The following FYB2 variants were observed in gnomAD, a reference collection of about 807,000 sequenced individuals.
The protein encoded by FYB2 is FYN binding protein 2, also known as FYN-binding protein 2.
In FYB2, 103 loss-of-function variants were observed where a neutral mutation model predicts 94.1. The ratio of observed to expected loss-of-function variants is 1.09; its 90% confidence interval spans 0.93 to 1.29. FYB2 has a LOEUF of 1.29. Among genes scored for constraint, FYB2 ranks in the 50% most tolerant of loss-of-function variants. The pLI, the probability that FYB2 is intolerant of heterozygous loss-of-function variation, is 0.00. For missense variants in FYB2, 896 were observed against 841.5 expected (o/e 1.06, Z -0.80); for synonymous variants, 293 against 287.9 (o/e 1.02, Z -0.18).
chr1:56,762,897 G>A (rs1645532645), intron 5 of FYB2, among the ~76,000 whole-genome samples: 1 of 152,164 alleles, frequency 6.6e-6, no homozygotes, highest in Admixed American at 6.5e-5. Flanking sequence ...TCTTAATCAA[G>A]TTGAGGAAGA....
At chr1:56,746,810 A>G (rs1569962578) in intron 9 of FYB2, among the ~76,000 whole-genome samples, 2 of 152,018 alleles carry the variant, frequency 1.3e-5, no homozygotes, top group Admixed American at 6.6e-5. Context: ...TGGGATATAT[A>G]CATAAGTACT....
At chr1:56,822,526 G>A (rs1646998415), upstream of FYB2, among the ~76,000 whole-genome samples, 1 of 152,138 alleles carries the variant, frequency 6.6e-6, no homozygotes, top group Non-Finnish European at 1.5e-5. Context: ...GGGATGACGT[G>A]CCATACTCTC....
upstream of FYB2, among the ~76,000 whole-genome samples, chr1:56,822,466 T>C (rs1646998063): frequency 6.6e-6 from 1 of 152,224 alleles, no homozygotes; most frequent in South Asian, 2.1e-4. Flanking sequence ...ATCTTCTAGA[T>C]ATTTCTAGTT....
intron 12 of FYB2, 72 bp from the exon 13 acceptor site, chr1:56,740,867 T>C (rs1644936268): frequency 8.3e-6 from 8 of 965,816 alleles, no homozygotes; most frequent in Admixed American, 2.6e-5. Flanking sequence ...TGTTGTATTA[T>C]AAAATCAAAT....
rs140362645 is a variant in FYB2 at position 56,817,180 on chromosome 1, C to T, written c.9+2102G>A. Among the ~76,000 whole-genome samples, 29 of 152,330 alleles carry T rather than the reference C, an allele frequency of 1.9e-4. 1 individual carries two copies. The highest frequency in any genetic ancestry group is 3.5e-4 in the Non-Finnish European group (24 of 68,040). ...ATGCTTGAGTTTCAACAATGGCCTCCAGGGCCCTATATCATCTGACCCCAC... is the reference window on the plus strand; with the variant it reads ...ATGCTTGAGTTTCAACAATGGCCTCTAGGGCCCTATATCATCTGACCCCAC... On this transcript the variant is annotated intron_variant, in intron 1 of 19. Transcript: ENST00000343433.
intron 4 of FYB2, among the ~76,000 whole-genome samples, chr1:56,785,880 C>T (rs781680421): frequency 6.6e-6 from 1 of 152,156 alleles, no homozygotes; most frequent in Non-Finnish European, 1.5e-5. Context: ...CTGCTTTTTG[C>T]CATGAAACTT....
chr1:56,785,847 A>G (rs1646122355), intron 4 of FYB2, among the ~76,000 whole-genome samples: 1 of 152,108 alleles, frequency 6.6e-6, no homozygotes, highest in Admixed American at 6.6e-5. Flanking sequence ...TCAATACCCC[A>G]TTCTTCACTC....
At chr1:56,786,363 C>T (rs1646132612) in intron 4 of FYB2, among the ~76,000 whole-genome samples, 1 of 152,224 alleles carries the variant, frequency 6.6e-6, no homozygotes, top group Admixed American at 6.5e-5. Context: ...GAAGATGTAA[C>T]AACTTCCTCC....
chr1:56,792,821 C>G lies in FYB2; in HGVS notation c.10-18G>C. On this transcript the variant is annotated intron_variant, in intron 1 of 19. Transcript: ENST00000343433. ...ACCCCTTCCTAAGGCAAAGAATAAT[C>G]AAACAAACAAACAAAAACAAAAACA... 1 of 1,564,544 alleles carries G rather than the reference C, an allele frequency of 6.4e-7. No homozygotes were observed. The highest frequency in any genetic ancestry group is 8.6e-7 in the Non-Finnish European group (1 of 1,158,584).
intron 8 of FYB2, among the ~76,000 whole-genome samples, chr1:56,751,704 C>T (rs1645203159): frequency 6.6e-6 from 1 of 152,070 alleles, no homozygotes; most frequent in Non-Finnish European, 1.5e-5. Context: ...TGTTCCTTCT[C>T]ACTTCTTTCT....
intron 9 of FYB2, 119 bp downstream of exon 9, chr1:56,750,925 G>C: frequency 8.2e-7 from 1 of 1,226,914 alleles, no homozygotes; most frequent in Non-Finnish European, 1.1e-6. Flanking sequence ...ACTAGGGCAA[G>C]TTGCTTGGCA....
At chr1:56,737,329 G>C (rs1237768725) in intron 14 of FYB2, 182 bp from the exon 15 acceptor site, 1 of 428,518 alleles carries the variant, frequency 2.3e-6, no homozygotes, top group Non-Finnish European at 4.1e-6. Flanking sequence ...TCTCTATTTG[G>C]GAAGAAATTC....
At chr1:56,766,143 T>C (rs1645617402) in intron 5 of FYB2, among the ~76,000 whole-genome samples, 1 of 152,180 alleles carries the variant, frequency 6.6e-6, no homozygotes, top group Non-Finnish European at 1.5e-5. Context: ...ACCAAGGAAC[T>C]TGTTAGAAAT....
At chr1:56,762,524 A>G (rs190564164) in intron 5 of FYB2, among the ~76,000 whole-genome samples, 1 of 152,216 alleles carries the variant, frequency 6.6e-6, no homozygotes, top group East Asian at 1.9e-4. Flanking sequence ...CAGTATTTGT[A>G]TGTTCATTCC....
At chr1:56,757,990 G>A (rs1318267771) in intron 6 of FYB2, among the ~76,000 whole-genome samples, 1 of 150,192 alleles carries the variant, frequency 6.7e-6, no homozygotes, top group Non-Finnish European at 1.5e-5. Context: ...TGTTGCCCAG[G>A]CTGGTCTTGA....
intron 1 of FYB2, among the ~76,000 whole-genome samples, chr1:56,811,522 T>C (rs1178317532): frequency 1.3e-5 from 2 of 152,204 alleles, no homozygotes; most frequent in East Asian, 1.9e-4. Flanking sequence ...AACCCAGCCA[T>C]TGTTGAGATG....
intron 12 of FYB2, 136 bp from the exon 13 acceptor site, chr1:56,740,931 A>G: frequency 2.0e-6 from 1 of 510,602 alleles, no homozygotes; most frequent in Non-Finnish European, 3.3e-6. Context: ...ACATGGTCAT[A>G]AAGATGGAAA....
intron 5 of FYB2, 31 bp from the exon 6 acceptor site, chr1:56,758,781 G>A (rs1360201171): frequency 1.9e-6 from 3 of 1,554,492 alleles, no homozygotes; most frequent in Non-Finnish European, 2.6e-6. Flanking sequence ...TTATTTCAAG[G>A]CAGCTGATCC....
intron 1 of FYB2, among the ~76,000 whole-genome samples, chr1:56,804,989 G>A (rs1646609334): frequency 6.6e-6 from 1 of 152,070 alleles, no homozygotes; most frequent in South Asian, 2.1e-4. Context: ...TGCCCGGAAT[G>A]CCCTTCCTGC....
Sources: gnomAD v4.1 joint callset for allele counts (sites outside exome capture counted in the v4.1 genomes callset) on GRCh38, gnomAD v4.1.1 for gene constraint, MANE v1.5 for transcripts, NCBI Gene and HGNC (gene_info 2026-07-23, HGNC 2026-07-21) for gene names.